Variants in BBX observed in about 807,000 individuals in gnomAD.
BBX encodes the protein BBX high mobility group box domain containing.
A neutral mutation model predicts 100.2 loss-of-function variants in BBX; 30 were observed. The observed-to-expected ratio is 0.30, with a 90% CI of 0.22 to 0.41. BBX has a LOEUF of 0.41. BBX is among the 10% of genes least tolerant of loss of function. BBX has a pLI of 1.00. For missense variants in BBX, 1,023 were observed against 1,129.8 expected (o/e 0.91, Z 1.35); for synonymous variants, 376 against 388.1 (o/e 0.97, Z 0.37).
Position 107,757,090 on chromosome 3 carries a change from T to G in BBX, c.906+1412T>G, listed in dbSNP as rs1191790446. 2.0e-5 allele frequency among the ~76,000 whole-genome samples: 3 copies of G among 152,300 alleles called. No homozygotes were observed. In the South Asian group the frequency reaches 6.2e-4, roughly 32 times the overall value. On this transcript the variant is annotated intron_variant, in intron 10 of 17. Transcript: ENST00000325805. ...TGTGCTGGTTATATAATTGCATGTG[T>G]ATGTATGTGGGCACACATATATAGG...
At chr3:107,729,193 C>T (rs186243913) in intron 6 of BBX, among the ~76,000 whole-genome samples, 2 of 152,232 alleles carry the variant, frequency 1.3e-5, no homozygotes, top group East Asian at 3.9e-4. Flanking sequence ...GAATTCCTGA[C>T]ATTGACAGTA....
At chr3:107,597,305 G>C (rs2053729236) in intron 2 of BBX, among the ~76,000 whole-genome samples, 1 of 151,838 alleles carries the variant, frequency 6.6e-6, no homozygotes, top group East Asian at 1.9e-4. Flanking sequence ...TCATATTTCT[G>C]GTAAAAAAGT....
At chr3:107,586,996 C>G (rs751305845) in intron 2 of BBX, among the ~76,000 whole-genome samples, 1 of 152,024 alleles carries the variant, frequency 6.6e-6, no homozygotes, top group Admixed American at 6.6e-5. Flanking sequence ...GGTGATCCAT[C>G]TCTCTCGGCC....
intron 15 of BBX, among the ~76,000 whole-genome samples, chr3:107,792,118 A>G (rs1385125283): frequency 1.3e-5 from 2 of 152,206 alleles, no homozygotes; most frequent in African/African-American, 2.4e-5. Flanking sequence ...TTGTGACTTT[A>G]TATTATTACT....
chr3:107,688,522 G>A (rs117515293), intron 3 of BBX, among the ~76,000 whole-genome samples: 1 of 152,274 alleles, frequency 6.6e-6, no homozygotes, highest in East Asian at 1.9e-4. Context: ...GATCATCAGA[G>A]GGAGTAAAGA....
At chr3:107,724,423 T>G (rs1423300747) in intron 5 of BBX, among the ~76,000 whole-genome samples, 1 of 151,932 alleles carries the variant, frequency 6.6e-6, no homozygotes, top group Admixed American at 6.6e-5. Context: ...TAGATCCCAT[T>G]TGTCAATTTT....
intron 2 of BBX, among the ~76,000 whole-genome samples, chr3:107,568,386 T>TG: frequency 6.7e-6 from 1 of 150,180 alleles, no homozygotes; most frequent in Non-Finnish European, 1.5e-5. Context: ...TGCCTCACCC[T>TG]CCTGAGTAGC....
intron 2 of BBX, among the ~76,000 whole-genome samples, chr3:107,611,405 C>G (rs2054839623): frequency 6.6e-6 from 1 of 152,096 alleles, no homozygotes; most frequent in South Asian, 2.1e-4. Context: ...TGTAGCTTTC[C>G]TTGTAGGACA....
chr3:107,804,264 A>G lies in BBX; in HGVS notation c.2739-1106A>G, dbSNP rs533040797. Among the ~76,000 whole-genome samples, 11 of 152,330 alleles carry G rather than the reference A, an allele frequency of 7.2e-5. No individual in the cohort carries two copies. The South Asian group carries it at 2.3e-3, about 32-fold the overall frequency. On this transcript the variant is annotated intron_variant, in intron 17 of 17. Transcript: ENST00000325805. ...AAGAGAAACTTGAGTATAGTTATAG[A>G]GCAGGTACAAGCTAAATCTTGAAAT...
rs1023803364 is a variant in BBX at position 107,560,180 on chromosome 3, C to A, written c.-84+33782C>A. Among the ~76,000 whole-genome samples the A allele has an allele frequency of 4.0e-4, 60 of 150,772 alleles. 1 individual carries two copies. Among genetic ancestry groups the A allele is most frequent in the Non-Finnish European group, 5.9e-5 (4 of 67,794 alleles). On this transcript the variant is annotated intron_variant, in intron 2 of 17. Transcript: ENST00000325805. ...TTAAAAGCCTTACTACTTTCTAATT[C>A]AGTGTAGGGAAAATAATGGGAAACA...
intron 4 of BBX, 59 bp from the exon 5 acceptor site, chr3:107,716,548 G>A: frequency 6.3e-7 from 1 of 1,579,216 alleles, no homozygotes; most frequent in East Asian, 2.3e-5. Context: ...AAGACTAACT[G>A]TTAAATCAAA....
intron 2 of BBX, among the ~76,000 whole-genome samples, chr3:107,564,665 G>A (rs369510436): frequency 6.9e-4 from 105 of 152,168 alleles, no homozygotes; most frequent in African/African-American, 2.0e-3. Flanking sequence ...CTTTTATCAC[G>A]TACAAATGTT....
rs1309182412 is a variant in BBX, at chr3:107,716,775, A to G, written c.331A>G (p.Thr111Ala). The change falls in exon 5 of 18, where the codon ACC (threonine) becomes GCC (alanine). Residue 111 changes from threonine to alanine, a missense_variant. Thr to Ala is a moderately conservative substitution (Grantham distance 58). This residue lies in a region of BBX where 229 missense variants were observed against 226.3 expected (regional missense o/e 1.01). Coordinates refer to ENST00000325805, the MANE Select transcript of BBX (RefSeq NM_001142568.3). ...CCCCAGGCTTGATAACCGAGGTGCT[A>G]CCAAGATACTAGCTGATTGGTGGGC... The part of the protein sequence containing the change: ...EHPRLDNRGA[T>A]KILADWWAVL... 1.2e-6 allele frequency: 2 copies of G among 1,613,666 alleles called. No homozygotes were observed. The highest frequency in any genetic ancestry group is 1.7e-6 in the Non-Finnish European group (2 of 1,179,778).
chr3:107,715,721 G>A (rs776530501), intron 4 of BBX, among the ~76,000 whole-genome samples: 24 of 152,340 alleles, frequency 1.6e-4, no homozygotes, highest in Non-Finnish European at 2.8e-4. Flanking sequence ...GATGAAAAAC[G>A]GGAAGACTAG....
intron 2 of BBX, among the ~76,000 whole-genome samples, chr3:107,581,850 A>T (rs914619618): frequency 6.6e-6 from 1 of 152,200 alleles, no homozygotes; most frequent in African/African-American, 2.4e-5. Context: ...TTAGAAAAGA[A>T]TTATGTTATT....
rs1416415948 is a variant in BBX, at chr3:107,778,459, G to A, written c.2143G>A (p.Val715Ile). ...TACATTTGACCGGAAATGTGTACCTGTCCCAAGAAAAAAGAAGAAGACTGG... is the reference window on the plus strand; with the variant it reads ...TACATTTGACCGGAAATGTGTACCTATCCCAAGAAAAAAGAAGAAGACTGG... ...PVTFDRKCVP[V>I]PRKKKKTGNV... The change falls in exon 13 of 18, where the codon GTC becomes ATC. Residue 715 changes from valine (V) to isoleucine (I), a missense_variant. Physicochemically the swap from Val to Ile is conservative, Grantham distance 29. Around this residue, in one of 9 missense-constraint regions of BBX, gnomAD observed 215 missense variants for 211.3 expected, o/e 1.02. Transcript: ENST00000325805. 2 of 1,613,152 alleles carry A rather than the reference G, an allele frequency of 1.2e-6. No individual in the cohort carries two copies. The highest frequency in any genetic ancestry group is 2.7e-5 in the African/African-American group (2 of 74,804).
intron 2 of BBX, among the ~76,000 whole-genome samples, chr3:107,589,371 T>G (rs2053125156): frequency 6.6e-6 from 1 of 152,214 alleles, no homozygotes; most frequent in Non-Finnish European, 1.5e-5. Context: ...ACAGTTGAAG[T>G]CAAAGCAGTT....
chr3:107,691,624 A>G (rs2060175034), intron 3 of BBX, among the ~76,000 whole-genome samples: 1 of 152,230 alleles, frequency 6.6e-6, no homozygotes, highest in Non-Finnish European at 1.5e-5. Context: ...TTAATCAATG[A>G]TAGCATCCTA....
rs765733561 is a variant in BBX, at chr3:107,778,484, G to A, written c.2168G>A (p.Gly723Glu). The change falls in exon 13 of 18, where the codon GGA (glycine) becomes GAA (glutamate). Residue 723 changes from glycine (G) to glutamate (E), a missense_variant. Transcript: ENST00000325805. ...VPVPRKKKKT[G>E]NVSSEPTKTS... ...GTCCCAAGAAAAAAGAAGAAGACTG[G>A]AAATGTGTCCTCAGAACCGACTAAA... The A allele has an allele frequency of 1.1e-5, 17 of 1,613,164 alleles. 1 individual carries two copies. In the South Asian group the frequency reaches 1.5e-4, roughly 15 times the overall value.
Sources: gnomAD v4.1 joint callset for allele counts (sites outside exome capture counted in the v4.1 genomes callset) on GRCh38, gnomAD v4.1.1 for gene constraint, gnomAD v4.1.1 regional missense constraint, MANE v1.5 for transcripts, NCBI Gene and HGNC (gene_info 2026-07-23, HGNC 2026-07-21) for gene names.